COL14A1: variants seen among roughly 807,000 people sequenced by gnomAD.
The protein encoded by COL14A1 is collagen type XIV alpha 1 chain.
COL14A1 carries 136 observed loss-of-function variants against 230.3 expected under a neutral mutation model. The ratio of observed to expected loss-of-function variants is 0.59; its 90% CI spans 0.51 to 0.68. COL14A1 has a LOEUF of 0.68. Ranked by LOEUF, COL14A1 falls within the 30% of genes least tolerant of loss-of-function variation. The pLI is 0.00. For missense variants in COL14A1, 1,976 were observed against 2,215.8 expected (o/e 0.89, Z 2.17); for synonymous variants, 792 against 784.1 (o/e 1.01, Z -0.17).
At chr8:120,279,649 T>C (rs1306761772) in intron 28 of COL14A1, among the ~76,000 whole-genome samples, 4 of 151,988 alleles carry the variant, frequency 2.6e-5, no homozygotes, top group African/African-American at 9.7e-5. Context: ...TATGCAACCA[T>C]AGAGATATTA....
Position 120,168,959 on chromosome 8 carries a change from G to A in COL14A1, c.436+712G>A, listed in dbSNP as rs530351719. Reference sequence around the variant, plus strand: ...CAACCTCCGCCTCCTGGGTTCAAACGATTCTCCTCCCTCAGCCTCCTGAGT... The same window carrying A: ...CAACCTCCGCCTCCTGGGTTCAAACAATTCTCCTCCCTCAGCCTCCTGAGT... On this transcript the variant is annotated intron_variant, in intron 5 of 47. Transcript: ENST00000297848. Among the ~76,000 whole-genome samples, 10 of 152,086 alleles carry A rather than the reference G, an allele frequency of 6.6e-5. No individual in the cohort carries two copies. The East Asian group carries it at 1.6e-3, about 24-fold the overall frequency.
intron 34 of COL14A1, among the ~76,000 whole-genome samples, chr8:120,291,196 A>G (rs1269473242): frequency 6.6e-6 from 1 of 152,202 alleles, no homozygotes; most frequent in East Asian, 1.9e-4. Flanking sequence ...TATCAAACTA[A>G]GGATATCTTG....
At position 120,229,089 on chromosome 8, in the gene COL14A1, T is replaced by TTTTTATTTTATTTTATTTTATTTTA. The variant is rs144526831; in HGVS notation, c.2197+324_2197+348dup. ...TCTTTGCCCTCCTCTTTTTTTTTTCTTTTTATTTTATTTTATTTTATTTTA... is the reference window on the plus strand; with the variant it reads ...TCTTTGCCCTCCTCTTTTTTTTTTCTTTTTATTTTATTTTATTTTATTTTATTTTATTTTATTTTATTTTATTTTA... On this transcript the variant is annotated intron_variant, in intron 18 of 47. Coordinates refer to ENST00000297848, the MANE Select transcript of COL14A1 (RefSeq NM_021110.4). 1.9e-3 allele frequency among the ~76,000 whole-genome samples: 265 copies of TTTTTATTTTATTTTATTTTATTTTA among 137,434 alleles called. 5 individuals carry two copies. In the East Asian group the frequency reaches 0.041, roughly 22 times the overall value. The allele number at this position is 137,434 out of a possible 152,430, so 90.2% of individuals were successfully genotyped here.
At chr8:120,124,960 A>C (rs940314341), upstream of COL14A1, 14 of 152,444 alleles carry the variant, frequency 9.2e-5, no homozygotes, top group Admixed American at 9.2e-4. Context: ...GCTTCTCCAC[A>C]TCTCCGGTAG....
At position 120,255,290 on chromosome 8, in the gene COL14A1, T is replaced by C. The variant is rs748279513; in HGVS notation, c.2803T>C (p.Leu935=). The C allele has an allele frequency of 1.2e-6, 2 of 1,614,084 alleles. No individual in the cohort carries two copies. Among genetic ancestry groups the C allele is most frequent in the African/African-American group, 1.3e-5 (1 of 74,948 alleles). ...LQAKHVEMTS[L]CAHWQVHRHA... ...AGCCAAACATGTTGAAATGACCAGC[T>C]TGTGTGCCCACTGGCAGGTACATCG... Residue 935 remains leucine (L), a synonymous_variant, in exon 23 of 48, where the codon TTG becomes CTG. Coordinates refer to ENST00000297848, the MANE Select transcript of COL14A1 (RefSeq NM_021110.4).
At chr8:120,275,554 A>G (rs554422555) in intron 26 of COL14A1, among the ~76,000 whole-genome samples, 1 of 152,174 alleles carries the variant, frequency 6.6e-6, no homozygotes, top group East Asian at 1.9e-4. Context: ...AAACACAAGA[A>G]TGGGAGAAAA....
intron 1 of COL14A1, among the ~76,000 whole-genome samples, chr8:120,127,339 T>A (rs1473161600): frequency 6.6e-6 from 1 of 152,192 alleles, no homozygotes; most frequent in East Asian, 1.9e-4. Context: ...CCTGACCTCC[T>A]GTGGGTCCCT....
chr8:120,332,115 T>C, intron 40 of COL14A1, 26 bp from the exon 41 acceptor site: 17 of 1,612,748 alleles, frequency 1.1e-5, no homozygotes, highest in Non-Finnish European at 1.4e-5. Context: ...AACCACTTGC[T>C]GACATGCTGT....
chr8:120,143,048 T>C (rs1337776667), intron 1 of COL14A1, among the ~76,000 whole-genome samples: 1 of 152,250 alleles, frequency 6.6e-6, no homozygotes, highest in Non-Finnish European at 1.5e-5. Context: ...CTGAAAGCTA[T>C]ATTAATCTAC....
chr8:120,240,379 A>G (rs1202143125), intron 19 of COL14A1, among the ~76,000 whole-genome samples: 1 of 152,202 alleles, frequency 6.6e-6, no homozygotes, highest in Non-Finnish European at 1.5e-5. Context: ...TGTGATACAA[A>G]TGTAATGTGT....
chr8:120,234,631 G>GTA (rs1818381647), intron 19 of COL14A1, among the ~76,000 whole-genome samples: 1 of 149,720 alleles, frequency 6.7e-6, no homozygotes, highest in African/African-American at 2.6e-5. Flanking sequence ...ATTTGCGAAT[G>GTA]TTGAACCAGC....
rs1186863093 is a variant in COL14A1 at position 120,247,653 on chromosome 8, A to G, written c.2520A>G (p.Glu840=). 1.9e-6 allele frequency: 3 copies of G among 1,614,010 alleles called. No homozygotes were observed. The African/African-American group carries it at 4.0e-5, about 22-fold the overall frequency. ...CCCAGAACTTGCGGGTGTCCGAGGA[A>G]TGGTATAACCGGTTGCGCATTACGT... The part of the protein sequence containing the change: ...SGPQNLRVSE[E]WYNRLRITWD... Residue 840 remains glutamate (E), a synonymous_variant, in exon 21 of 48, where the codon GAA becomes GAG. Transcript: ENST00000297848.
intron 5 of COL14A1, among the ~76,000 whole-genome samples, chr8:120,194,182 G>A (rs866613769): frequency 1.3e-4 from 20 of 152,136 alleles, no homozygotes; most frequent in South Asian, 4.1e-4. Context: ...ATTCCTATTC[G>A]GCCATCTTGG....
chr8:120,137,643 T>G (rs569830765), intron 1 of COL14A1, among the ~76,000 whole-genome samples: 1 of 152,278 alleles, frequency 6.6e-6, no homozygotes, highest in Non-Finnish European at 1.5e-5. Flanking sequence ...TTTTCACAAA[T>G]TGTACCTTTA....
intron 5 of COL14A1, among the ~76,000 whole-genome samples, chr8:120,183,892 T>C (rs1816558506): frequency 6.6e-6 from 1 of 152,198 alleles, no homozygotes; most frequent in Non-Finnish European, 1.5e-5. Flanking sequence ...CCGAAATACT[T>C]CTCTTCTGTG....
chr8:120,279,563 A>T (rs1334130576), intron 28 of COL14A1, among the ~76,000 whole-genome samples: 1 of 152,048 alleles, frequency 6.6e-6, no homozygotes, highest in Non-Finnish European at 1.5e-5. Flanking sequence ...AAAAAAAAAA[A>T]AAAAACTGAG....
chr8:120,332,305 T>C (rs1821898207), intron 41 of COL14A1, 111 bp downstream of exon 41: 3 of 974,856 alleles, frequency 3.1e-6, no homozygotes, highest in Non-Finnish European at 4.8e-6. Context: ...CACTATAGTG[T>C]GACAACTCAT....
intron 5 of COL14A1, 44 bp from the exon 6 acceptor site, chr8:120,196,747 G>T: frequency 1.3e-6 from 2 of 1,590,558 alleles, no homozygotes; most frequent in Non-Finnish European, 1.7e-6. Context: ...TTTTGAAGTT[G>T]CTCTGACAGT....
At chr8:120,181,783 C>A (rs1816471970) in intron 5 of COL14A1, among the ~76,000 whole-genome samples, 2 of 151,958 alleles carry the variant, frequency 1.3e-5, no homozygotes, top group South Asian at 2.1e-4. Context: ...AAACATAGAC[C>A]CCCCCAAAAA....
Sources: allele counts gnomAD v4.1 joint callset (sites outside exome capture counted in the v4.1 genomes callset), GRCh38; gene constraint gnomAD v4.1.1; transcripts MANE v1.5; gene names NCBI Gene and HGNC (gene_info 2026-07-23, HGNC 2026-07-21).